Variants in RTN1 observed in about 807,000 individuals in gnomAD.
RTN1 encodes reticulon 1.
In RTN1, 25 loss-of-function variants were observed where a neutral mutation model predicts 65.5. The ratio of observed to expected loss-of-function variants is 0.38; its 90% CI spans 0.28 to 0.53. RTN1 has a LOEUF of 0.53. RTN1 is among the 20% of genes least tolerant of loss of function. The pLI, the probability that RTN1 is intolerant of heterozygous loss-of-function variation, is 0.79. For missense variants in RTN1, 983 were observed against 1,025.4 expected, an observed-to-expected ratio of 0.96 and a Z score of 0.57; for synonymous variants, 471 against 447.6, an observed-to-expected ratio of 1.05 and a Z score of -0.66.
chr14:59,666,054 T>A (rs1247428986), intron 3 of RTN1, among the ~76,000 whole-genome samples: 4 of 152,148 alleles, frequency 2.6e-5, no homozygotes, highest in Non-Finnish European at 5.9e-5. Context: ...TTAACAAGGA[T>A]ATCCAGGACC....
chr14:59,599,226 A>G (rs528031294), intron 8 of RTN1, among the ~76,000 whole-genome samples: 5 of 152,188 alleles, frequency 3.3e-5, no homozygotes, highest in Admixed American at 6.5e-5. Flanking sequence ...CTATATCTGT[A>G]AAGTTGACTT....
At chr14:59,750,208 TAA>T (rs1566713319) in intron 1 of RTN1, among the ~76,000 whole-genome samples, 1 of 26,374 alleles carries the variant, frequency 3.8e-5, no homozygotes, top group Non-Finnish European at 6.3e-5. Context: ...CTATAATATA[TAA>T]TATATATATT....
In RTN1 at chr14:59,751,286, T is replaced by C. The variant is rs150924546; in HGVS notation, c.242-4805A>G. Among the ~76,000 whole-genome samples, 967 of 150,782 alleles carry C rather than the reference T, an allele frequency of 6.4e-3. 4 individuals are homozygous for C. Among genetic ancestry groups the C allele is most frequent in the Middle Eastern group, 0.02 (6 of 294 alleles). On this transcript the variant is annotated intron_variant, in intron 1 of 8. Transcript: ENST00000267484. Reference sequence around the variant, plus strand: ...ACAAAAGGAATAATACTAAGGATTGTCCTTATTTCCTAAGCATAGATAGAA... The same window carrying C: ...ACAAAAGGAATAATACTAAGGATTGCCCTTATTTCCTAAGCATAGATAGAA...
At chr14:59,660,756 A>G (rs552180986) in intron 3 of RTN1, among the ~76,000 whole-genome samples, 1 of 152,348 alleles carries the variant, frequency 6.6e-6, no homozygotes, top group South Asian at 2.1e-4. Flanking sequence ...GGAAATTTAT[A>G]GCACTAAATT....
At chr14:59,737,316 G>A (rs1221750897) in intron 2 of RTN1, among the ~76,000 whole-genome samples, 1 of 152,140 alleles carries the variant, frequency 6.6e-6, no homozygotes, top group South Asian at 2.1e-4. Context: ...CTTCAGCAAA[G>A]TCTCAGGATA....
At chr14:59,695,881 G>A (rs1436473973) in intron 3 of RTN1, among the ~76,000 whole-genome samples, 6 of 151,858 alleles carry the variant, frequency 4.0e-5, no homozygotes, top group East Asian at 1.9e-4. Context: ...ATATCAGAAA[G>A]ATTATAACAC....
chr14:59,641,143 T>G (rs1882771842), intron 3 of RTN1, among the ~76,000 whole-genome samples: 1 of 151,932 alleles, frequency 6.6e-6, no homozygotes, highest in African/African-American at 2.4e-5. Flanking sequence ...GGGGGGGGTA[T>G]TTTTTGTAGA....
chr14:59,733,905 T>G (rs1884953336), intron 2 of RTN1, among the ~76,000 whole-genome samples: 3 of 152,352 alleles, frequency 2.0e-5, no homozygotes, highest in African/African-American at 7.2e-5. Context: ...TCTTTAAGTG[T>G]GTCCTTGATC....
At chr14:59,857,543 G>A (rs574295412) in intron 1 of RTN1, among the ~76,000 whole-genome samples, 1 of 152,254 alleles carries the variant, frequency 6.6e-6, no homozygotes, top group South Asian at 2.1e-4. Flanking sequence ...CAGATAATGT[G>A]TGTTAGTCAC....
At position 59,727,347 on chromosome 14, in the gene RTN1, G is replaced by A. The variant is rs530786277; in HGVS notation, c.1337C>T (p.Ser446Leu). 4.6e-6 allele frequency: 7 copies of A among 1,505,686 alleles called. No individual in the cohort carries two copies. The highest frequency in any genetic ancestry group is 1.3e-5 in the South Asian group (1 of 77,338). The allele number at this position is 1,505,686 out of a possible 1,614,324, so 93.3% of individuals were successfully genotyped here. ...CAGGATGCTGTACTGGATGGATGGC[G>A]AGGCGGGCGAGGGCGGCGGGCCGCC... ...HVGGPPPSPA[S>L]PSIQYSILRE... The change falls in exon 3 of 9, where the codon TCG becomes TTG. Residue 446 changes from serine to leucine, a missense_variant. Coordinates refer to ENST00000267484, the MANE Select transcript of RTN1 (RefSeq NM_021136.3). This position sits in a 1 kb window ranked among gnomAD's most constrained non-coding sequence, Gnocchi z 4.2.
chr14:59,832,017 A>T (rs1887133382), intron 1 of RTN1, among the ~76,000 whole-genome samples: 1 of 152,182 alleles, frequency 6.6e-6, no homozygotes, highest in African/African-American at 2.4e-5. Flanking sequence ...CAGAGATGGA[A>T]CAAATTATAA....
chr14:59,647,950 T>C (rs559207000), intron 3 of RTN1, among the ~76,000 whole-genome samples: 4 of 152,094 alleles, frequency 2.6e-5, no homozygotes, highest in East Asian at 3.9e-4. Flanking sequence ...CAGGGCTGAA[T>C]TGAAGGAGAT....
Position 59,727,344 on chromosome 14 carries a change from G to C in RTN1, c.1340C>G (p.Pro447Arg). 1.3e-6 allele frequency: 2 copies of C among 1,500,746 alleles called. No individual in the cohort carries two copies. The highest frequency in any genetic ancestry group is 1.8e-6 in the Non-Finnish European group (2 of 1,123,944). 93.0% of individuals were successfully genotyped at this position (1,500,746 alleles called of 1,614,324 possible). Residue 447 changes from proline (P) to arginine (R), a missense_variant, in exon 3 of 9, where the codon CCA becomes CGA. By Grantham distance (103) the Pro-to-Arg change is moderately radical (BLOSUM62 -2). Transcript: ENST00000267484. This position sits in a 1 kb window ranked among gnomAD's most constrained non-coding sequence, Gnocchi z 4.2. ...CCTCAGGATGCTGTACTGGATGGAT[G>C]GCGAGGCGGGCGAGGGCGGCGGGCC... ...VGGPPPSPAS[P>R]SIQYSILREE...
intron 1 of RTN1, among the ~76,000 whole-genome samples, chr14:59,826,610 C>G (rs1034193343): frequency 1.3e-5 from 2 of 152,190 alleles, no homozygotes; most frequent in African/African-American, 4.8e-5. Flanking sequence ...CAAAGATAAT[C>G]TCACTGCTTC....
intron 3 of RTN1, among the ~76,000 whole-genome samples, chr14:59,715,849 T>TC (rs11459591): frequency 0.47 from 70,118 of 148,978 alleles, 18,629 homozygotes; most frequent in African/African-American, 0.72. Flanking sequence ...AATGTGGACC[T>TC]AACAAAGAGA....
chr14:59,603,050 C>A lies in RTN1; in HGVS notation c.2288+15G>T. 6.2e-7 allele frequency: 1 copy of A among 1,610,544 alleles called. No homozygotes were observed. Among genetic ancestry groups the A allele is most frequent in the Non-Finnish European group, 8.5e-7 (1 of 1,177,092 alleles). ...AGAGAGTCTCTCCTTTTATGCATTG[C>A]ACTATGTGACTTACTTTGCCACAAC... On this transcript the variant is annotated intron_variant, in intron 8 of 8. Transcript: ENST00000267484.
chr14:59,779,317 A>C (rs189297616), intron 1 of RTN1, among the ~76,000 whole-genome samples: 62 of 152,176 alleles, frequency 4.1e-4, no homozygotes, highest in African/African-American at 1.4e-3. Flanking sequence ...AAGAGGTTTG[A>C]GAAGGTAGAA....
chr14:59,609,189 G>A (rs1432977455), intron 3 of RTN1, among the ~76,000 whole-genome samples: 1 of 151,998 alleles, frequency 6.6e-6, no homozygotes, highest in Non-Finnish European at 1.5e-5. Flanking sequence ...GGAGGCTGAG[G>A]CAGAAGAATC....
At chr14:59,658,567 C>T (rs1883174840) in intron 3 of RTN1, among the ~76,000 whole-genome samples, 1 of 152,200 alleles carries the variant, frequency 6.6e-6, no homozygotes, top group Admixed American at 6.5e-5. Flanking sequence ...TGCTCTGCAG[C>T]CTCCACTGGT....
Sources: allele counts gnomAD v4.1 joint callset (sites outside exome capture counted in the v4.1 genomes callset), GRCh38; gene constraint gnomAD v4.1.1; non-coding constraint Gnocchi (gnomAD v3.1); transcripts MANE v1.5; gene names NCBI Gene and HGNC (gene_info 2026-07-23, HGNC 2026-07-21).